Variants in ARHGAP28 observed in about 807,000 individuals in gnomAD.
The protein encoded by ARHGAP28 is Rho GTPase activating protein 28.
A neutral mutation model predicts 90.7 loss-of-function variants in ARHGAP28; 56 were observed. The observed-to-expected ratio is 0.62, with a 90% CI of 0.50 to 0.77. The LOEUF (loss-of-function observed/expected upper bound fraction) is 0.77, where lower values mean the gene tolerates loss of function less well. Ranked by LOEUF, ARHGAP28 falls within the 30% of genes least tolerant of loss-of-function variation. The pLI, the probability that ARHGAP28 is intolerant of heterozygous loss-of-function variation, is 0.00. For missense variants in ARHGAP28, 869 were observed against 900.9 expected (o/e 0.96, Z 0.45); for synonymous variants, 308 against 323.3 (o/e 0.95, Z 0.51).
intron 2 of ARHGAP28, among the ~76,000 whole-genome samples, chr18:6,827,684 G>C (rs1359233255): frequency 2.6e-5 from 4 of 151,622 alleles, no homozygotes; most frequent in African/African-American, 9.7e-5. Context: ...CTGGCTGGGC[G>C]GAGACGCTTC....
chr18:6,793,115 A>T (rs146527496), intron 1 of ARHGAP28, among the ~76,000 whole-genome samples: 1 of 152,334 alleles, frequency 6.6e-6, no homozygotes, highest in Non-Finnish European at 1.5e-5. Context: ...TCTTTAAGTC[A>T]TGACTGGGGC....
chr18:6,774,744 C>T (rs553161973), intron 1 of ARHGAP28, among the ~76,000 whole-genome samples: 1 of 152,334 alleles, frequency 6.6e-6, no homozygotes, highest in African/African-American at 2.4e-5. Context: ...AGCCTTTCCT[C>T]CTGCTGTCAG....
At chr18:6,784,270 A>G (rs1216465149) in intron 1 of ARHGAP28, among the ~76,000 whole-genome samples, 13 of 152,154 alleles carry the variant, frequency 8.5e-5, no homozygotes, top group Admixed American at 8.5e-4. Context: ...GCAGAATGTT[A>G]GATTCTGCCC....
In ARHGAP28 at chr18:6,851,014, G is replaced by A. The variant is rs1460907550; in HGVS notation, c.544-20G>A. The A allele has an allele frequency of 6.2e-7, 1 of 1,613,350 alleles. No homozygotes were observed. The highest frequency in any genetic ancestry group is 8.5e-7 in the Non-Finnish European group (1 of 1,179,518). ...GGAAAGATATGCCTGGATAAACGTG[G>A]CTTTCATTTCTTCCGTTAGCCTCGT... On this transcript the variant is annotated intron_variant, in intron 3 of 17. Transcript: ENST00000383472.
intron 1 of ARHGAP28, among the ~76,000 whole-genome samples, chr18:6,801,609 C>CT (rs1156308150): frequency 3.3e-5 from 5 of 151,572 alleles, no homozygotes; most frequent in Non-Finnish European, 7.4e-5. Context: ...GAATTGACAT[C>CT]TTTTTTTTAA....
intron 5 of ARHGAP28, among the ~76,000 whole-genome samples, chr18:6,865,410 G>A (rs575629158): frequency 6.6e-6 from 1 of 152,146 alleles, no homozygotes; most frequent in Non-Finnish European, 1.5e-5. Context: ...CCTTAAGTTG[G>A]TCTCTGGGGA....
chr18:6,822,623 C>T (rs1184739375), intron 1 of ARHGAP28, among the ~76,000 whole-genome samples: 1 of 152,114 alleles, frequency 6.6e-6, no homozygotes. Context: ...AGCTAAAATT[C>T]TTATCACACA....
chr18:6,759,652 G>C (rs4581782), intron 1 of ARHGAP28, among the ~76,000 whole-genome samples: 112,380 of 152,080 alleles, frequency 0.74, 41,957 homozygotes, highest in Middle Eastern at 0.82. Context: ...TTGGAAATTA[G>C]AATAGCAAAA....
At chr18:6,852,739 T>TACCC (rs1228391764) in intron 4 of ARHGAP28, among the ~76,000 whole-genome samples, 1 of 152,220 alleles carries the variant, frequency 6.6e-6, no homozygotes, top group Non-Finnish European at 1.5e-5. Context: ...ACCTTCTTCA[T>TACCC]ACCCGTTAGT....
At chr18:6,873,317 G>A (rs992571777) in intron 7 of ARHGAP28, 92 bp from the exon 8 acceptor site, 1 of 1,065,648 alleles carries the variant, frequency 9.4e-7, no homozygotes, top group Non-Finnish European at 1.4e-6. Flanking sequence ...ACGTTCTACT[G>A]CATAGATTTA....
chr18:6,762,286 A>C (rs910013177), intron 1 of ARHGAP28, among the ~76,000 whole-genome samples: 1 of 152,158 alleles, frequency 6.6e-6, no homozygotes, highest in African/African-American at 2.4e-5. Context: ...ACCCTACTTG[A>C]AATTCTATAA....
At chr18:6,811,266 G>A (rs2056554257) in intron 1 of ARHGAP28, among the ~76,000 whole-genome samples, 1 of 152,072 alleles carries the variant, frequency 6.6e-6, no homozygotes, top group South Asian at 2.1e-4. Flanking sequence ...AATGTTCATT[G>A]ACTAAATGAA....
chr18:6,730,082 C>T lies in ARHGAP28; in HGVS notation c.122+139C>T. ...AGTTTTGGTGGACTAGATGAGTGAG[C>T]CTGGGGTTCTTTGCATTGTCTTTGA... On this transcript the variant is annotated intron_variant, in intron 1 of 17. Coordinates refer to ENST00000383472, the MANE Select transcript of ARHGAP28 (RefSeq NM_001366230.1). 2 of 888,562 alleles carry T rather than the reference C, an allele frequency of 2.3e-6. 1 individual carries two copies. Among genetic ancestry groups the T allele is most frequent in the Non-Finnish European group, 3.0e-6 (2 of 660,434 alleles). 55.0% of individuals were successfully genotyped at this position (888,562 alleles called of 1,614,324 possible).
chr18:6,824,968 A>C lies in ARHGAP28; in HGVS notation c.325+4A>C. The C allele has an allele frequency of 6.5e-7, 1 of 1,528,040 alleles. No homozygotes were observed. Among genetic ancestry groups the C allele is most frequent in the Non-Finnish European group, 8.8e-7 (1 of 1,142,730 alleles). 94.7% of individuals were successfully genotyped at this position (1,528,040 alleles called of 1,614,324 possible). A position where few individuals can be genotyped will look rare whatever the true frequency, so the allele number is the denominator to read the frequency against. On this transcript the variant is annotated splice_donor_region_variant and intron_variant, in intron 2 of 17. Transcript: ENST00000383472. Reference sequence around the variant, plus strand: ...GCTGAGGTCACACCTGTGGATGGTAAGTTGCTGGATTTGTCTTCCTATGTG... The same window carrying C: ...GCTGAGGTCACACCTGTGGATGGTACGTTGCTGGATTTGTCTTCCTATGTG...
intron 14 of ARHGAP28, among the ~76,000 whole-genome samples, chr18:6,890,967 A>G (rs1195884573): frequency 1.3e-5 from 2 of 152,196 alleles, no homozygotes; most frequent in Non-Finnish European, 2.9e-5. Context: ...GTGTAACTTC[A>G]TTGCATTCCA....
chr18:6,867,563 G>A (rs1204134470), intron 5 of ARHGAP28, among the ~76,000 whole-genome samples: 1 of 152,026 alleles, frequency 6.6e-6, no homozygotes, highest in African/African-American at 2.4e-5. Context: ...ATACTGAAGG[G>A]GAGTTCAGTG....
intron 1 of ARHGAP28, among the ~76,000 whole-genome samples, chr18:6,794,441 A>C (rs1388506143): frequency 6.6e-6 from 1 of 152,238 alleles, no homozygotes; most frequent in African/African-American, 2.4e-5. Flanking sequence ...GGAACTGCCC[A>C]TCCTCACCAG....
Position 6,743,137 on chromosome 18 carries a change from C to T in ARHGAP28, c.122+13194C>T, listed in dbSNP as rs534920611. 3.3e-4 allele frequency among the ~76,000 whole-genome samples: 50 copies of T among 152,134 alleles called. 1 individual carries two copies. The highest frequency in any genetic ancestry group is 6.5e-4 in the Admixed American group (10 of 15,288). ...GGAAGAGAGAGAAGAGGGAGACCGA[C>T]GAGGGGAGCATTAAAAAATGTACCC... On this transcript the variant is annotated intron_variant, in intron 1 of 17. Coordinates refer to ENST00000383472, the MANE Select transcript of ARHGAP28 (RefSeq NM_001366230.1).
At chr18:6,787,881 A>T (rs773198088) in intron 1 of ARHGAP28, among the ~76,000 whole-genome samples, 1 of 152,218 alleles carries the variant, frequency 6.6e-6, no homozygotes. Context: ...TCACAGTTGG[A>T]TTGACAGTAG....
Sources: gnomAD v4.1 joint callset for allele counts (sites outside exome capture counted in the v4.1 genomes callset) on GRCh38, gnomAD v4.1.1 for gene constraint, MANE v1.5 for transcripts, NCBI Gene and HGNC (gene_info 2026-07-23, HGNC 2026-07-21) for gene names.